Variants in FAM13A observed in about 807,000 individuals in gnomAD.
FAM13A encodes family with sequence similarity 13 member A.
FAM13A carries 76 observed loss-of-function variants against 129.6 expected under a neutral mutation model. That is an observed-to-expected ratio of 0.59 (90% CI 0.49 to 0.71). The LOEUF (loss-of-function observed/expected upper bound fraction) is 0.71, where lower values mean the gene tolerates loss of function less well. Ranked by LOEUF, FAM13A falls within the 30% of genes least tolerant of loss-of-function variation. The pLI, the probability that FAM13A is intolerant of heterozygous loss-of-function variation, is 0.00. For missense variants in FAM13A, 1,108 were observed against 1,249.3 expected, an observed-to-expected ratio of 0.89 and a Z score of 1.70; for synonymous variants, 443 against 449.9, an observed-to-expected ratio of 0.98 and a Z score of 0.20.
chr4:88,745,021 T>C (rs1741020309), intron 19 of FAM13A, among the ~76,000 whole-genome samples: 1 of 152,202 alleles, frequency 6.6e-6, no homozygotes, highest in Admixed American at 6.5e-5. Context: ...ATTTAATCAT[T>C]TAATCAGAAG....
chr4:89,043,157 GAT>G (rs1361789324), intron 1 of FAM13A, among the ~76,000 whole-genome samples: 7 of 152,188 alleles, frequency 4.6e-5, no homozygotes, highest in Non-Finnish European at 8.8e-5. Flanking sequence ...CCACCTGAAA[GAT>G]AGAGCACACT....
intron 4 of FAM13A, among the ~76,000 whole-genome samples, chr4:88,979,685 A>C (rs1761399476): frequency 6.6e-6 from 1 of 152,122 alleles, no homozygotes; most frequent in African/African-American, 2.4e-5. Flanking sequence ...AAGAAAAAAA[A>C]CTAATTGGCC....
At chr4:89,027,355 T>C (rs1282197828) in intron 2 of FAM13A, among the ~76,000 whole-genome samples, 1 of 152,050 alleles carries the variant, frequency 6.6e-6, no homozygotes, top group Non-Finnish European at 1.5e-5. Context: ...AAAATTTTTT[T>C]TAATTAGCAG....
intron 7 of FAM13A, among the ~76,000 whole-genome samples, chr4:88,845,183 G>GA (rs34018381): frequency 7.3e-5 from 11 of 149,838 alleles, no homozygotes; most frequent in East Asian, 2.0e-4. Context: ...TGGAGACATT[G>GA]AAAAAAAAAC....
Position 88,774,869 on chromosome 4 carries a change from G to C in FAM13A, c.1458+6296C>G, listed in dbSNP as rs367661061. Among the ~76,000 whole-genome samples, 15 of 152,310 alleles carry C rather than the reference G, an allele frequency of 9.8e-5. 1 individual carries two copies. In the South Asian group the frequency reaches 2.9e-3, roughly 29 times the overall value. On this transcript the variant is annotated intron_variant, in intron 11 of 23. Coordinates refer to ENST00000264344, the MANE Select transcript of FAM13A (RefSeq NM_014883.4). ...TGACTAAGGAGACGATGATGTGATT[G>C]AATCAGATGGGACTCTTGAATGAAA...
At chr4:88,938,696 G>A (rs562522392) in intron 4 of FAM13A, among the ~76,000 whole-genome samples, 1 of 152,276 alleles carries the variant, frequency 6.6e-6, no homozygotes, top group East Asian at 1.9e-4. Context: ...AATGATAATT[G>A]TTGAGCTAAG....
At chr4:88,855,009 T>C (rs1276117750) in intron 6 of FAM13A, among the ~76,000 whole-genome samples, 4 of 152,192 alleles carry the variant, frequency 2.6e-5, no homozygotes, top group Non-Finnish European at 5.9e-5. Flanking sequence ...CTGTTATTAT[T>C]ATCATTTGAA....
chr4:88,759,047 C>T (rs1340685193), intron 13 of FAM13A, 146 bp from the exon 14 acceptor site: 4 of 763,924 alleles, frequency 5.2e-6, no homozygotes, highest in East Asian at 2.7e-5. Context: ...TGGCTTGATG[C>T]CCCCCGGATC....
chr4:88,979,544 G>A (rs1010484064), intron 4 of FAM13A, among the ~76,000 whole-genome samples: 8 of 152,086 alleles, frequency 5.3e-5, no homozygotes, highest in Non-Finnish European at 7.4e-5. Flanking sequence ...GTTTCCTCAC[G>A]TGAAGAGATA....
At chr4:88,764,503 G>A (rs887532462) in intron 13 of FAM13A, among the ~76,000 whole-genome samples, 4 of 152,120 alleles carry the variant, frequency 2.6e-5, no homozygotes, top group African/African-American at 7.2e-5. Flanking sequence ...TTAAATTGAA[G>A]CATAAAGCAT....
chr4:88,906,154 G>A (rs1448874474), intron 6 of FAM13A, among the ~76,000 whole-genome samples: 1 of 152,128 alleles, frequency 6.6e-6, no homozygotes, highest in Non-Finnish European at 1.5e-5. Flanking sequence ...TGGGCATGGT[G>A]GTGCGCACCT....
chr4:88,847,896 T>G (rs1034497437), intron 7 of FAM13A, among the ~76,000 whole-genome samples: 1 of 151,044 alleles, frequency 6.6e-6, no homozygotes, highest in Non-Finnish European at 1.5e-5. Context: ...GAGATTGCAG[T>G]GAGCAGAGAT....
chr4:88,987,272 A>T (rs922480199), intron 4 of FAM13A, among the ~76,000 whole-genome samples: 4 of 152,200 alleles, frequency 2.6e-5, no homozygotes, highest in African/African-American at 7.2e-5. Context: ...ACATTCTACA[A>T]CCCAAAAAGA....
At chr4:88,761,101 C>T (rs528321336) in intron 13 of FAM13A, among the ~76,000 whole-genome samples, 42 of 152,310 alleles carry the variant, frequency 2.8e-4, no homozygotes, top group African/African-American at 9.6e-4. Flanking sequence ...CTGACATTTA[C>T]TAGCCTGGTG....
At chr4:88,736,014 ATGC>A (rs1438143155) in intron 21 of FAM13A, among the ~76,000 whole-genome samples, 1 of 152,190 alleles carries the variant, frequency 6.6e-6, no homozygotes, top group Non-Finnish European at 1.5e-5. Flanking sequence ...GTTCTATTGC[ATGC>A]TGCTAAGAGA....
intron 3 of FAM13A, among the ~76,000 whole-genome samples, chr4:89,016,440 A>G (rs1339473202): frequency 6.6e-6 from 1 of 152,160 alleles, no homozygotes; most frequent in Non-Finnish European, 1.5e-5. Context: ...AGTTTAGCTT[A>G]AGTGTACAAG....
At chr4:88,793,636 T>A (rs112689826) in intron 8 of FAM13A, among the ~76,000 whole-genome samples, 21 of 151,990 alleles carry the variant, frequency 1.4e-4, no homozygotes, top group Non-Finnish European at 2.7e-4. Context: ...CTTGGCTGCA[T>A]TGGGTTGGTT....
At chr4:88,736,019 G>A (rs996345020) in intron 21 of FAM13A, among the ~76,000 whole-genome samples, 2 of 152,192 alleles carry the variant, frequency 1.3e-5, no homozygotes, top group East Asian at 3.9e-4. Context: ...ATTGCATGCT[G>A]CTAAGAGAAA....
intron 2 of FAM13A, among the ~76,000 whole-genome samples, chr4:89,022,039 A>G (rs1767336854): frequency 2.6e-5 from 4 of 152,172 alleles, no homozygotes; most frequent in Admixed American, 2.6e-4. Flanking sequence ...TCTAAGAAAG[A>G]GCAGGCCAGG....
Sources: gnomAD v4.1 joint callset for allele counts (sites outside exome capture counted in the v4.1 genomes callset) on GRCh38, gnomAD v4.1.1 for gene constraint, MANE v1.5 for transcripts, NCBI Gene and HGNC (gene_info 2026-07-23, HGNC 2026-07-21) for gene names.